PDGFRL: variants seen among roughly 807,000 people sequenced by gnomAD.
The protein encoded by PDGFRL is platelet-derived growth factor receptor-like protein.
PDGFRL carries 46 observed loss-of-function variants against 37.2 expected under a neutral mutation model. That is an observed-to-expected ratio of 1.24 (90% CI 0.98 to 1.58). PDGFRL has a LOEUF of 1.58. PDGFRL is among the 40% of genes most tolerant of loss of function. The probability of loss-of-function intolerance (pLI) is 0.00; values close to 1 mark genes in which losing one functional copy is unlikely to be tolerated. For synonymous variants in PDGFRL, 251 were observed against 184.3 expected (o/e 1.36, Z -2.93); for missense variants, 692 against 467.6 (o/e 1.48, Z -4.43).
At chr8:17,577,443 C>A in intron 1 of PDGFRL, 136 bp downstream of exon 1, 1 of 733,892 alleles carries the variant, frequency 1.4e-6, no homozygotes, top group Non-Finnish European at 2.4e-6. Context: ...CACTGCCTGC[C>A]CGGTGCACCT....
rs532327949 is a variant in PDGFRL, at chr8:17,634,095, C to T, written c.821C>T (p.Thr274Ile). Residue 274 changes from threonine to isoleucine, a missense_variant, in exon 5 of 6, where the codon ACA becomes ATA. By Grantham distance (89) the Thr-to-Ile change is moderately conservative. Coordinates refer to ENST00000251630, the MANE Select transcript of PDGFRL (RefSeq NM_001372073.1). The stretch of plus-strand genomic sequence containing the variant: ...CCAGTTCCCAGTGGCCCTCCCTCAA[C>T]AACCATCTTGGCTTCTTCAAACAAA... The part of the protein sequence containing the change: ...YVAVPSGPPS[T>I]TILASSNKVK... 5 of 1,613,950 alleles carry T rather than the reference C, an allele frequency of 3.1e-6. No individual in the cohort carries two copies. The African/African-American group carries it at 5.3e-5, about 17-fold the overall frequency.
intron 2 of PDGFRL, among the ~76,000 whole-genome samples, chr8:17,603,964 A>G (rs2517186): frequency 0.94 from 143,358 of 152,078 alleles, 68,145 homozygotes; most frequent in East Asian, 1. Flanking sequence ...TTGGAGCATG[A>G]AGGGCAGGTG....
intron 1 of PDGFRL, among the ~76,000 whole-genome samples, chr8:17,583,719 G>C (rs1330506150): frequency 6.6e-6 from 1 of 152,124 alleles, no homozygotes; most frequent in African/African-American, 2.4e-5. Context: ...GGAGGTAATA[G>C]AACTAATAGC....
At chr8:17,636,601 C>G (rs1804975187) in intron 5 of PDGFRL, among the ~76,000 whole-genome samples, 1 of 150,080 alleles carries the variant, frequency 6.7e-6, no homozygotes, top group East Asian at 2.0e-4. Context: ...TCTGCAGATT[C>G]TTTTTTGGTT....
intron 2 of PDGFRL, among the ~76,000 whole-genome samples, chr8:17,603,827 G>T (rs1279955288): frequency 6.6e-6 from 1 of 152,174 alleles, no homozygotes. Context: ...TGCTGTCAAG[G>T]AGGAGGAAAC....
chr8:17,596,875 G>T (rs900592993), intron 2 of PDGFRL, among the ~76,000 whole-genome samples: 1 of 152,202 alleles, frequency 6.6e-6, no homozygotes, highest in East Asian at 1.9e-4. Context: ...TCTTGACATC[G>T]TTCCCAGAAC....
intron 2 of PDGFRL, among the ~76,000 whole-genome samples, chr8:17,592,361 C>A (rs1167430334): frequency 6.6e-6 from 1 of 152,198 alleles, no homozygotes; most frequent in Non-Finnish European, 1.5e-5. Flanking sequence ...TCTCTCCCAT[C>A]TCTGATACTG....
intron 2 of PDGFRL, among the ~76,000 whole-genome samples, chr8:17,599,204 T>C (rs1804115268): frequency 6.6e-6 from 1 of 152,222 alleles, no homozygotes; most frequent in African/African-American, 2.4e-5. Context: ...CGTTCTTTAG[T>C]GTGAGCCATC....
intron 2 of PDGFRL, among the ~76,000 whole-genome samples, chr8:17,604,584 G>A (rs1358390680): frequency 2.0e-5 from 3 of 152,010 alleles, no homozygotes; most frequent in African/African-American, 4.8e-5. Flanking sequence ...GGGGACTGTT[G>A]TGGGGTGGGG....
rs1290445392 is a variant in PDGFRL, at chr8:17,634,209, A to G, written c.935A>G (p.Gln312Arg). The G allele has an allele frequency of 1.2e-5, 20 of 1,611,612 alleles. No homozygotes were observed. The highest frequency in any genetic ancestry group is 1.6e-5 in the Non-Finnish European group (19 of 1,178,382). ...GAGTTCACCTGGATCTTCCCAGGGC[A>G]GAAGGTAAGTGTTGTACCTGCATCT... ...EVEFTWIFPG[Q>R]KDERPVTIQD... The change falls in exon 5 of 6, where the codon CAG becomes CGG. Residue 312 changes from glutamine (Q) to arginine (R), a missense_variant. Gln to Arg is a conservative substitution (Grantham distance 43). Coordinates refer to ENST00000251630, the MANE Select transcript of PDGFRL (RefSeq NM_001372073.1).
intron 2 of PDGFRL, among the ~76,000 whole-genome samples, chr8:17,617,573 A>T (rs1804553796): frequency 2.0e-5 from 3 of 152,124 alleles, no homozygotes; most frequent in African/African-American, 7.2e-5. Context: ...ATGAGATACC[A>T]TTGGTAGAAA....
chr8:17,638,598 G>C (rs1805020858), intron 5 of PDGFRL, among the ~76,000 whole-genome samples: 2 of 151,378 alleles, frequency 1.3e-5, no homozygotes, highest in African/African-American at 4.8e-5. Flanking sequence ...TTGTTTCTTT[G>C]TTGATGTTCT....
intron 1 of PDGFRL, among the ~76,000 whole-genome samples, chr8:17,581,496 T>A (rs1038529449): frequency 2.0e-5 from 3 of 152,156 alleles, no homozygotes; most frequent in Non-Finnish European, 2.9e-5. Context: ...CCACATCTTA[T>A]GTTGAATTTT....
intron 2 of PDGFRL, among the ~76,000 whole-genome samples, chr8:17,609,665 A>AAT (rs869133686): frequency 1.0e-5 from 1 of 97,524 alleles, no homozygotes; most frequent in African/African-American, 4.0e-5. Context: ...AAAAAAAAAA[A>AAT]TAAGAGCCAA....
At chr8:17,635,619 C>T (rs1449580617) in intron 5 of PDGFRL, among the ~76,000 whole-genome samples, 1 of 152,092 alleles carries the variant, frequency 6.6e-6, no homozygotes, top group East Asian at 1.9e-4. Context: ...ATTATGACTT[C>T]TTTTCCTCTG....
chr8:17,587,252 T>C (rs1803837585), intron 1 of PDGFRL, among the ~76,000 whole-genome samples: 1 of 152,146 alleles, frequency 6.6e-6, no homozygotes, highest in African/African-American at 2.4e-5. Context: ...TTTGCATAGA[T>C]AATAGCAAAT....
chr8:17,607,018 C>G (rs1804296244), intron 2 of PDGFRL, among the ~76,000 whole-genome samples: 1 of 150,998 alleles, frequency 6.6e-6, no homozygotes, highest in South Asian at 2.1e-4. Flanking sequence ...GCCTCAGGCT[C>G]CTGAGTAGCT....
At chr8:17,629,524 C>T (rs532952074) in intron 4 of PDGFRL, among the ~76,000 whole-genome samples, 2 of 152,176 alleles carry the variant, frequency 1.3e-5, no homozygotes, top group Admixed American at 1.3e-4. Flanking sequence ...TGCCAACCCT[C>T]ATTCTCTGCC....
At chr8:17,585,554 T>G (rs1803797612) in intron 1 of PDGFRL, among the ~76,000 whole-genome samples, 1 of 152,046 alleles carries the variant, frequency 6.6e-6, no homozygotes, top group African/African-American at 2.4e-5. Context: ...AATGGAAAAA[T>G]GAGAGTGGCA....
Sources: gnomAD v4.1 joint callset for allele counts (sites outside exome capture counted in the v4.1 genomes callset) on GRCh38, gnomAD v4.1.1 for gene constraint, MANE v1.5 for transcripts, NCBI Gene and HGNC (gene_info 2026-07-23, HGNC 2026-07-21) for gene names.